The following DHRSX variants were observed in gnomAD, a reference collection of about 807,000 sequenced individuals.
DHRSX encodes dehydrogenase/reductase X-linked, also known as polyprenol dehydrogenase.
Under a neutral mutation model 34.0 loss-of-function variants are expected in DHRSX, and 31 were observed. That is an observed-to-expected ratio of 0.91 (90% CI 0.69 to 1.23). The LOEUF (loss-of-function observed/expected upper bound fraction) is 1.23, where lower values mean the gene tolerates loss of function less well. Ranked by LOEUF, DHRSX falls within the 50% of genes most tolerant of loss-of-function variation. The probability of loss-of-function intolerance (pLI) is 0.00; values close to 1 mark genes in which losing one functional copy is unlikely to be tolerated. For synonymous variants in DHRSX, 201 were observed against 183.8 expected (o/e 1.09, Z -0.76); for missense variants, 414 against 428.1 (o/e 0.97, Z 0.29).
intron 1 of DHRSX, chrX:2,489,135 C>T (rs753260789): frequency 2.0e-5 from 33 of 1,613,480 alleles, no homozygotes; most frequent in Non-Finnish European, 2.5e-5. Flanking sequence ...AGCTTCTTGA[C>T]GGGAGGCTCC....
intron 1 of DHRSX, chrX:2,489,961 C>T (rs773485536): frequency 2.5e-6 from 4 of 1,613,908 alleles, no homozygotes; most frequent in South Asian, 1.1e-5. Context: ...CGATGAAGAC[C>T]TCATAGAGCA....
intron 6 of DHRSX, among the ~76,000 whole-genome samples, chrX:2,240,283 C>T (rs1251221296): frequency 1.4e-5 from 2 of 146,728 alleles, no homozygotes; most frequent in Non-Finnish European, 3.0e-5. Context: ...CAGAGCGAGA[C>T]TCTATCTCAA....
chrX:2,355,149 A>G (rs2042833188), intron 3 of DHRSX, among the ~76,000 whole-genome samples: 1 of 152,204 alleles, frequency 6.6e-6, no homozygotes, highest in Non-Finnish European at 1.5e-5. Flanking sequence ...AGATACCCAC[A>G]GAGGAGTAAT....
intron 1 of DHRSX, among the ~76,000 whole-genome samples, chrX:2,449,318 G>A (rs1216223641): frequency 6.6e-6 from 1 of 152,120 alleles, no homozygotes; most frequent in Admixed American, 6.5e-5. Flanking sequence ...GCCTGCTCAG[G>A]AGGGTTGGTG....
chrX:2,288,934 T>C (rs760955471), intron 4 of DHRSX, among the ~76,000 whole-genome samples: 26 of 152,278 alleles, frequency 1.7e-4, no homozygotes, highest in African/African-American at 6.3e-4. Flanking sequence ...AGGAATGCAA[T>C]AGCCATTTCA....
At chrX:2,303,832 G>C (rs2042049188) in intron 3 of DHRSX, among the ~76,000 whole-genome samples, 1 of 116,460 alleles carries the variant, frequency 8.6e-6, no homozygotes, top group South Asian at 3.3e-4. Flanking sequence ...TGGGTGGGTG[G>C]ATGGATGGAT....
intron 6 of DHRSX, among the ~76,000 whole-genome samples, chrX:2,229,846 G>A (rs945556636): frequency 1.3e-5 from 2 of 151,982 alleles, no homozygotes; most frequent in Non-Finnish European, 2.9e-5. Flanking sequence ...TGTACTTGAG[G>A]GATGTGTATT....
At chrX:2,324,615 T>A (rs2042354468) in intron 3 of DHRSX, among the ~76,000 whole-genome samples, 2 of 152,046 alleles carry the variant, frequency 1.3e-5, no homozygotes, top group Non-Finnish European at 2.9e-5. Context: ...CTATTCACAC[T>A]GTCTCCCTCA....
At chrX:2,320,770 A>G (rs2042301500) in intron 3 of DHRSX, among the ~76,000 whole-genome samples, 1 of 151,720 alleles carries the variant, frequency 6.6e-6, no homozygotes, top group African/African-American at 2.4e-5. Flanking sequence ...TTACACAATC[A>G]GAGACAGTCA....
chrX:2,341,500 G>A (rs2042639397), intron 3 of DHRSX, among the ~76,000 whole-genome samples: 1 of 152,012 alleles, frequency 6.6e-6, no homozygotes, highest in Non-Finnish European at 1.5e-5. Context: ...CTGTGTCTGT[G>A]TCTCCTCTTC....
In DHRSX at chrX:2,342,948, C is replaced by A. The variant is rs184383900; in HGVS notation, c.287-51345G>T. Reference sequence around the variant, plus strand: ...GGTCTTCAGGTTGTGGGTGACAGAGCGGGAGCATGGCCATCTTGAACAAAC... The same window carrying A: ...GGTCTTCAGGTTGTGGGTGACAGAGAGGGAGCATGGCCATCTTGAACAAAC... On this transcript the variant is annotated intron_variant, in intron 3 of 6. Coordinates refer to ENST00000334651, the MANE Select transcript of DHRSX (RefSeq NM_145177.3). 3.9e-5 allele frequency among the ~76,000 whole-genome samples: 6 copies of A among 152,228 alleles called. No individual in the cohort carries two copies. In the East Asian group the frequency reaches 1.2e-3, roughly 29 times the overall value.
intron 1 of DHRSX, among the ~76,000 whole-genome samples, chrX:2,496,229 C>T: frequency 6.6e-6 from 1 of 152,194 alleles, no homozygotes; most frequent in Middle Eastern, 3.4e-3. Flanking sequence ...GACGGAGTCT[C>T]GCCCTGTTGC....
chrX:2,247,682 A>C (rs2016331665), intron 5 of DHRSX, among the ~76,000 whole-genome samples: 2 of 151,222 alleles, frequency 1.3e-5, no homozygotes, highest in Non-Finnish European at 2.9e-5. Context: ...AAAAAATTAG[A>C]TACCCTCTAT....
At chrX:2,489,753 G>A in intron 1 of DHRSX, 1 of 1,613,302 alleles carries the variant, frequency 6.2e-7, no homozygotes, top group Non-Finnish European at 8.5e-7. Context: ...GCAGACTGCT[G>A]GAAGTACTCC....
In DHRSX at chrX:2,379,605, T is replaced by TG. The variant is rs1255818553; in HGVS notation, c.286+29139_286+29140insC. 2.9e-3 allele frequency among the ~76,000 whole-genome samples: 429 copies of TG among 149,568 alleles called. 6 individuals are homozygous for TG. Among genetic ancestry groups the TG allele is most frequent in the African/African-American group, 0.01 (417 of 40,700 alleles). On this transcript the variant is annotated intron_variant, in intron 3 of 6. Coordinates refer to ENST00000334651, the MANE Select transcript of DHRSX (RefSeq NM_145177.3). Reference sequence around the variant, plus strand: ...GGGCTGGCAGTGGAGGTTTTTTTTTTTTTTTTTTTTTTTTAATGATGCTGC... The same window carrying TG: ...GGGCTGGCAGTGGAGGTTTTTTTTTTGTTTTTTTTTTTTTTAATGATGCTGC...
chrX:2,355,407 G>C (rs1050051657), intron 3 of DHRSX, among the ~76,000 whole-genome samples: 1 of 151,088 alleles, frequency 6.6e-6, no homozygotes, highest in Non-Finnish European at 1.5e-5. Context: ...AGCTACTCGG[G>C]AGGCTGAGGT....
intron 3 of DHRSX, among the ~76,000 whole-genome samples, chrX:2,373,737 A>T (rs2043107995): frequency 6.6e-6 from 1 of 151,444 alleles, no homozygotes; most frequent in South Asian, 2.1e-4. Flanking sequence ...CGCGGTGTGG[A>T]CAGTTCGCAC....
At chrX:2,349,109 T>A (rs779248601) in intron 3 of DHRSX, among the ~76,000 whole-genome samples, 1 of 152,094 alleles carries the variant, frequency 6.6e-6, no homozygotes, top group African/African-American at 2.4e-5. Context: ...CTCAAAAAAA[T>A]TAAAAATAGA....
intron 4 of DHRSX, among the ~76,000 whole-genome samples, chrX:2,282,823 G>A (rs868072096): frequency 3.8e-5 from 4 of 104,428 alleles, no homozygotes; most frequent in East Asian, 2.7e-4. Flanking sequence ...AGAGAGAGAG[G>A]GAGAGAGAGG....
Sources: allele counts gnomAD v4.1 joint callset (sites outside exome capture counted in the v4.1 genomes callset), GRCh38; gene constraint gnomAD v4.1.1; transcripts MANE v1.5; gene names NCBI Gene and HGNC (gene_info 2026-07-23, HGNC 2026-07-21).